The following DNAH17 variants were observed in gnomAD, a reference collection of about 807,000 sequenced individuals.
DNAH17 encodes axonemal beta dynein heavy chain 17.
DNAH17 carries 376 observed loss-of-function variants against 485.6 expected under a neutral mutation model. That is an observed-to-expected ratio of 0.77 (90% CI 0.71 to 0.84). DNAH17 has a LOEUF of 0.84. Ranked by LOEUF, DNAH17 falls within the 40% of genes least tolerant of loss-of-function variation. DNAH17 has a pLI of 0.00. For synonymous variants in DNAH17, 3,031 were observed against 2,405.9 expected (o/e 1.26, Z -7.60); for missense variants, 6,370 against 5,839.3 (o/e 1.09, Z -2.96).
intron 75 of DNAH17, among the ~76,000 whole-genome samples, chr17:78,431,907 C>T (rs997594652): frequency 6.6e-6 from 1 of 152,120 alleles, no homozygotes; most frequent in Non-Finnish European, 1.5e-5. Context: ...TGCGGTGGCT[C>T]ACGCCTGTAA....
chr17:78,485,633 T>TCC lies in DNAH17; in HGVS notation c.7398_7399dup (p.Asp2467GlyfsTer7). The TCC allele has an allele frequency of 6.2e-7, 1 of 1,613,806 alleles. No homozygotes were observed. Among genetic ancestry groups the TCC allele is most frequent in the African/African-American group, 1.3e-5 (1 of 74,968 alleles). On this transcript the variant is annotated frameshift_variant, in exon 47 of 81. Transcript: ENST00000389840. LOFTEE classifies it high-confidence loss of function. ...GTCCGTGTTCAGGCTTTCCAGCTTG[T>TCC]CCCCCATCAGCACCGACTTGCCCGT...
At chr17:78,495,224 T>G in intron 38 of DNAH17, 127 bp from the exon 39 acceptor site, 1 of 1,269,150 alleles carries the variant, frequency 7.9e-7, no homozygotes, top group Non-Finnish European at 1.1e-6. Context: ...GTGTTGAACC[T>G]TCGGTCCTGG....
rs115746635 is a variant in DNAH17 at position 78,435,520 on chromosome 17, T to G, written c.12034-1300A>C. On this transcript the variant is annotated intron_variant, in intron 74 of 80. Coordinates refer to ENST00000389840, the MANE Select transcript of DNAH17 (RefSeq NM_173628.4). ...GATGGGATGAGGTGCCACTCCCGTG[T>G]GCTGGCTGGCAGGGCTCCACGCTGG... is the stretch of plus-strand genomic sequence containing the variant. 3.1e-3 allele frequency among the ~76,000 whole-genome samples: 473 copies of G among 152,270 alleles called. 1 individual carries two copies. The highest frequency in any genetic ancestry group is 0.011 in the African/African-American group (459 of 41,558).
chr17:78,490,251 C>G (rs1363383359), intron 44 of DNAH17: 1 of 161,626 alleles, frequency 6.2e-6, no homozygotes, highest in African/African-American at 2.4e-5. Flanking sequence ...CGCCTTTATG[C>G]TCTGGCCAGG....
At position 78,503,462 on chromosome 17, in the gene DNAH17, G is replaced by A. The variant is rs186066364; in HGVS notation, c.4957-451C>T. Among the ~76,000 whole-genome samples, 4 of 151,308 alleles carry A rather than the reference G, an allele frequency of 2.6e-5. No homozygotes were observed. In the East Asian group the frequency reaches 7.9e-4, roughly 30 times the overall value. On this transcript the variant is annotated intron_variant, in intron 31 of 80. Coordinates refer to ENST00000389840, the MANE Select transcript of DNAH17 (RefSeq NM_173628.4). ...GGCCTCCTAAAGTGCTGGGATTACAGGCATGAGCCACCACGCTCGGCCACA... is the reference window on the plus strand; with the variant it reads ...GGCCTCCTAAAGTGCTGGGATTACAAGCATGAGCCACCACGCTCGGCCACA...
chr17:78,459,656 G>A (rs1307848536), intron 60 of DNAH17, 128 bp downstream of exon 60: 7 of 992,850 alleles, frequency 7.1e-6, no homozygotes, highest in African/African-American at 6.4e-5. Flanking sequence ...GCTGTATGGG[G>A]AAGGGGCTGC....
intron 54 of DNAH17, among the ~76,000 whole-genome samples, chr17:78,471,784 G>T (rs1025002648): frequency 2.0e-5 from 3 of 151,860 alleles, no homozygotes; most frequent in African/African-American, 7.3e-5. Context: ...CACCTTCCCC[G>T]CTCACTCTCT....
At chr17:78,480,348 C>G (rs1010477192) in intron 49 of DNAH17, among the ~76,000 whole-genome samples, 2 of 150,598 alleles carry the variant, frequency 1.3e-5, no homozygotes, top group Non-Finnish European at 2.9e-5. Flanking sequence ...GACTCAGCCT[C>G]AAAACAAAAA....
intron 62 of DNAH17, among the ~76,000 whole-genome samples, chr17:78,457,180 G>A (rs952752669): frequency 2.0e-5 from 3 of 152,204 alleles, no homozygotes; most frequent in Non-Finnish European, 1.5e-5. Flanking sequence ...AGACCACCCC[G>A]GCCAACATGG....
intron 11 of DNAH17, among the ~76,000 whole-genome samples, chr17:78,566,144 A>G (rs2092262520): frequency 6.6e-6 from 1 of 152,112 alleles, no homozygotes; most frequent in Non-Finnish European, 1.5e-5. Context: ...TCCAGAACTG[A>G]GAGAAGTGAA....
rs563458372 is a variant in DNAH17, at chr17:78,530,471, G to A, written c.3156C>T (p.Cys1052=). The change falls in exon 21 of 81, where the codon TGC becomes TGT. Residue 1052 remains cysteine (C), a synonymous_variant. Transcript: ENST00000389840. ...YEKLYEEVSK[C]ENTKVFHGWL... ...AGCCGTGGAACACCTTGGTGTTCTC[G>A]CACTTGGACACCTCCTCATACAGCT... The A allele has an allele frequency of 6.8e-6, 11 of 1,612,758 alleles. No individual in the cohort carries two copies. Among genetic ancestry groups the A allele is most frequent in the East Asian group, 2.2e-5 (1 of 44,864 alleles).
intron 14 of DNAH17, among the ~76,000 whole-genome samples, chr17:78,555,079 C>T (rs1281945606): frequency 6.6e-6 from 1 of 152,286 alleles, no homozygotes; most frequent in Non-Finnish European, 1.5e-5. Flanking sequence ...TACTTCCACC[C>T]ATGCCTTCGA....
At chr17:78,463,689 A>C (rs138718441) in intron 56 of DNAH17, among the ~76,000 whole-genome samples, 1 of 152,316 alleles carries the variant, frequency 6.6e-6, no homozygotes, top group African/African-American at 2.4e-5. Flanking sequence ...GCAAATATTT[A>C]TTGTTCATTA....
At position 78,426,968 on chromosome 17, in the gene DNAH17, G is replaced by C. The variant is rs1302075446; in HGVS notation, c.12729C>G (p.Asn4243Lys). ...GCTCCTTGAGCGAACGGCGCATTTC[G>C]TTGGTCAGGATGTTCATTCTTTCAC... ...QECERMNILTNEMRRSLKELN... is the reference protein window; with the variant it reads ...QECERMNILTKEMRRSLKELN... Residue 4243 changes from asparagine (N) to lysine (K), a missense_variant, in exon 78 of 81, where the codon AAC becomes AAG. Transcript: ENST00000389840. 8 of 1,610,656 alleles carry C rather than the reference G, an allele frequency of 5.0e-6. No homozygotes were observed. Among genetic ancestry groups the C allele is most frequent in the South Asian group, 4.4e-5 (4 of 90,304 alleles).
chr17:78,548,250 G>A (rs527646094), intron 16 of DNAH17, among the ~76,000 whole-genome samples: 1 of 118,546 alleles, frequency 8.4e-6, no homozygotes, highest in Non-Finnish European at 1.6e-5. Flanking sequence ...TGTCACCCAG[G>A]CTGGAGTGCA....
intron 44 of DNAH17, among the ~76,000 whole-genome samples, chr17:78,488,905 G>A (rs371123432): frequency 1.3e-5 from 2 of 152,084 alleles, no homozygotes; most frequent in Non-Finnish European, 2.9e-5. Context: ...CCAGGAGCTG[G>A]GAGAGAGGCC....
intron 22 of DNAH17, among the ~76,000 whole-genome samples, chr17:78,527,625 A>G (rs2091114537): frequency 6.6e-6 from 1 of 152,016 alleles, no homozygotes; most frequent in African/African-American, 2.4e-5. Context: ...TTCCCTTTCT[A>G]TCCCTCCACC....
intron 27 of DNAH17, 28 bp downstream of exon 27, chr17:78,510,356 C>A (rs370173336): frequency 1.9e-6 from 3 of 1,609,550 alleles, no homozygotes; most frequent in Non-Finnish European, 2.5e-6. Context: ...TCCCACGTTG[C>A]ACAGACAGCA....
chr17:78,532,773 T>C, intron 19 of DNAH17, 37 bp from the exon 20 acceptor site: 1 of 1,543,086 alleles, frequency 6.5e-7, no homozygotes, highest in Non-Finnish European at 8.8e-7. Context: ...AGGGGAGGTA[T>C]GTTGCCTGGT....
Sources: gnomAD v4.1 joint callset for allele counts (sites outside exome capture counted in the v4.1 genomes callset) on GRCh38, gnomAD v4.1.1 for gene constraint, MANE v1.5 for transcripts, NCBI Gene and HGNC (gene_info 2026-07-23, HGNC 2026-07-21) for gene names.